The following SCUBE1 variants were observed in gnomAD, a reference collection of about 807,000 sequenced individuals.
The protein encoded by SCUBE1 is signal peptide, CUB and EGF-like domain-containing protein 1.
A neutral mutation model predicts 124.4 loss-of-function variants in SCUBE1; 59 were observed. The observed-to-expected ratio is 0.47, with a 90% confidence interval of 0.38 to 0.59. SCUBE1 has a LOEUF of 0.59. Ranked by LOEUF, SCUBE1 falls within the 20% of genes least tolerant of loss-of-function variation. The pLI is 0.00. For missense variants in SCUBE1, 1,150 were observed against 1,371.2 expected (o/e 0.84, Z 2.55); for synonymous variants, 545 against 550.9 (o/e 0.99, Z 0.15).
chr22:43,239,103 G>A, intron 6 of SCUBE1, 149 bp from the exon 7 acceptor site: 1 of 633,374 alleles, frequency 1.6e-6, no homozygotes, highest in Non-Finnish European at 2.8e-6. Flanking sequence ...GGACTCTAGG[G>A]AAGCTGTGCT....
intron 21 of SCUBE1, among the ~76,000 whole-genome samples, chr22:43,206,410 C>T (rs36021141): frequency 0.039 from 5,989 of 152,228 alleles, 146 homozygotes; most frequent in South Asian, 0.058. Flanking sequence ...CACACACACG[C>T]GTGCCCTGAA....
At chr22:43,286,188 T>G (rs1003996967) in intron 4 of SCUBE1, among the ~76,000 whole-genome samples, 4 of 152,264 alleles carry the variant, frequency 2.6e-5, no homozygotes, top group African/African-American at 9.6e-5. Flanking sequence ...TTTCAATACC[T>G]TTTTAACCCT....
rs938995634 is a variant in SCUBE1, at chr22:43,255,607, G to A, written c.727+2612C>T. ...AACACAAGTAAGGGACAAACACGGAGCCAGTGGTTAATGACAGCCCACTTC... is the reference window on the plus strand; with the variant it reads ...AACACAAGTAAGGGACAAACACGGAACCAGTGGTTAATGACAGCCCACTTC... On this transcript the variant is annotated intron_variant, in intron 6 of 21. Coordinates refer to ENST00000360835, the MANE Select transcript of SCUBE1 (RefSeq NM_173050.5). This position sits in a 1 kb window ranked among gnomAD's most constrained non-coding sequence, Gnocchi z 4.7. 2.0e-6 allele frequency: 3 copies of A among 1,535,758 alleles called. No individual in the cohort carries two copies. Among genetic ancestry groups the A allele is most frequent in the Non-Finnish European group, 2.6e-6 (3 of 1,133,928 alleles).
intron 20 of SCUBE1, among the ~76,000 whole-genome samples, 169 bp from the exon 21 acceptor site, chr22:43,207,782 G>A (rs1921354352): frequency 6.6e-6 from 1 of 152,214 alleles, no homozygotes; most frequent in Non-Finnish European, 1.5e-5. Context: ...CCCTGCACCT[G>A]TATTGTCCTC....
chr22:43,233,452 G>A (rs1205101915), intron 7 of SCUBE1: 1 of 152,250 alleles, frequency 6.6e-6, no homozygotes, highest in Admixed American at 6.5e-5. Flanking sequence ...TAGCGGAAGA[G>A]GCCCTTCCAA....
chr22:43,239,162 C>T (rs1044956463), intron 6 of SCUBE1, among the ~76,000 whole-genome samples: 1 of 152,240 alleles, frequency 6.6e-6, no homozygotes, highest in African/African-American at 2.4e-5. Context: ...GGAATGACAC[C>T]ATTCCTGTGG....
chr22:43,223,581 G>C (rs577626479), intron 10 of SCUBE1, among the ~76,000 whole-genome samples: 15 of 152,328 alleles, frequency 9.8e-5, no homozygotes, highest in African/African-American at 3.6e-4. Context: ...AGGGGCCGTG[G>C]GGGGGATCGC....
intron 5 of SCUBE1, among the ~76,000 whole-genome samples, chr22:43,262,032 TG>T (rs1403396739): frequency 6.6e-6 from 1 of 152,192 alleles, no homozygotes; most frequent in Non-Finnish European, 1.5e-5. Context: ...GGACTACACG[TG>T]GGCCCCGTAG....
At chr22:43,286,681 C>G (rs1032342803) in intron 4 of SCUBE1, among the ~76,000 whole-genome samples, 1 of 152,202 alleles carries the variant, frequency 6.6e-6, no homozygotes, top group Non-Finnish European at 1.5e-5. Flanking sequence ...CTCTTAGGAC[C>G]CCTACTTAGC....
chr22:43,259,719 C>G (rs1923802127), intron 5 of SCUBE1, among the ~76,000 whole-genome samples: 1 of 152,220 alleles, frequency 6.6e-6, no homozygotes, highest in Non-Finnish European at 1.5e-5. Context: ...CTCAGTGCCT[C>G]AGATGCTGTC....
At position 43,211,979 on chromosome 22, in the gene SCUBE1, T is replaced by C. The variant is rs1921579546; in HGVS notation, c.2221+446A>G. On this transcript the variant is annotated intron_variant, in intron 17 of 21. Coordinates refer to ENST00000360835, the MANE Select transcript of SCUBE1 (RefSeq NM_173050.5). This position sits in a 1 kb window ranked among gnomAD's most constrained non-coding sequence, Gnocchi z 4.5. ...GGGAAGCAGGGTCAGCAGCTGAGAA[T>C]GGGGAGGATTTGGGGGAGTTGGTGA... Among the ~76,000 whole-genome samples, 1 of 151,992 alleles carries C rather than the reference T, an allele frequency of 6.6e-6. No homozygotes were observed. The highest frequency in any genetic ancestry group is 2.1e-4 in the South Asian group (1 of 4,824).
rs1920963811 is a variant in SCUBE1 at position 43,198,974 on chromosome 22, G to C, written c.*5023C>G. The C allele has an allele frequency of 2.8e-6, 1 of 360,862 alleles. No homozygotes were observed. The highest frequency in any genetic ancestry group is 2.1e-5 in the South Asian group (1 of 48,206). The allele number at this position is 360,862 out of a possible 1,614,324, so 22.4% of individuals were successfully genotyped here. A position where few individuals can be genotyped will look rare whatever the true frequency, so the allele number is the denominator to read the frequency against. On this transcript the variant is annotated 3_prime_UTR_variant, in exon 22 of 22. Transcript: ENST00000360835. ...GTCCGGGGCAGTTTTTCTGTCTGCT[G>C]TCCGGGGCAACGTGTCTGTCTGTCT...
At chr22:43,252,353 C>T (rs909802110) in intron 6 of SCUBE1, among the ~76,000 whole-genome samples, 23 of 152,184 alleles carry the variant, frequency 1.5e-4, no homozygotes, top group African/African-American at 5.3e-4. Flanking sequence ...CCCTCTGAGC[C>T]GCAGTGTCCT....
chr22:43,279,636 T>G (rs771585548), intron 4 of SCUBE1, among the ~76,000 whole-genome samples: 5 of 152,220 alleles, frequency 3.3e-5, no homozygotes, highest in South Asian at 4.1e-4. Context: ...AGGAATGAAG[T>G]AGGAGGCAAT....
chr22:43,331,607 C>T (rs770503768), intron 2 of SCUBE1, among the ~76,000 whole-genome samples: 15 of 152,290 alleles, frequency 9.8e-5, no homozygotes, highest in South Asian at 4.1e-4. Context: ...TGATTATAAA[C>T]GAGAGCTTTT....
rs370278732 is a variant in SCUBE1, at chr22:43,316,599, C to T, written c.349+3338G>A. On this transcript the variant is annotated intron_variant, in intron 3 of 21. Transcript: ENST00000360835. ...CCCTGCTCACCTCCACAGCCCCACA[C>T]CTGCTGCTCCCTGCACGCACCAGGA... Among the ~76,000 whole-genome samples, 3 of 152,228 alleles carry T rather than the reference C, an allele frequency of 2.0e-5. No homozygotes were observed. The East Asian group carries it at 5.8e-4, about 29-fold the overall frequency.
In SCUBE1 at chr22:43,203,951, A is replaced by G. The variant is rs767783776; in HGVS notation, c.*46T>C. The G allele has an allele frequency of 6.2e-7, 1 of 1,600,186 alleles. No individual in the cohort carries two copies. The highest frequency in any genetic ancestry group is 8.6e-7 in the Non-Finnish European group (1 of 1,169,500). On this transcript the variant is annotated 3_prime_UTR_variant, in exon 22 of 22. Coordinates refer to ENST00000360835, the MANE Select transcript of SCUBE1 (RefSeq NM_173050.5). ...AGCTCCCACTGTGGAGGGCAGGTGC[A>G]CCCTCCGCGGACCAGGCCACCCCCA...
chr22:43,342,247 G>C (rs1250774951), intron 1 of SCUBE1, among the ~76,000 whole-genome samples: 1 of 151,266 alleles, frequency 6.6e-6, no homozygotes, highest in Admixed American at 6.6e-5. Context: ...AGAGCAGGAG[G>C]GGACCGGGTG....
rs1921062926 is a variant in SCUBE1 at position 43,202,893 on chromosome 22, T to C, written c.*1104A>G. On this transcript the variant is annotated 3_prime_UTR_variant, in exon 22 of 22. Coordinates refer to ENST00000360835, the MANE Select transcript of SCUBE1 (RefSeq NM_173050.5). ...CTTGTGGTGGTACAGCCTGTGCTCC[T>C]GTGAGCAAGGCCTTGTTTCCTGCTG... The C allele has an allele frequency of 6.6e-6, 1 of 152,294 alleles. No individual in the cohort carries two copies. The highest frequency in any genetic ancestry group is 6.5e-5 in the Admixed American group (1 of 15,286). 9.4% of individuals were successfully genotyped at this position (152,294 alleles called of 1,614,324 possible). A position where few individuals can be genotyped will look rare whatever the true frequency, so the allele number is the denominator to read the frequency against.
Sources: allele counts gnomAD v4.1 joint callset (sites outside exome capture counted in the v4.1 genomes callset), GRCh38; gene constraint gnomAD v4.1.1; non-coding constraint Gnocchi (gnomAD v3.1); transcripts MANE v1.5; gene names NCBI Gene and HGNC (gene_info 2026-07-23, HGNC 2026-07-21).